Variants in ASPRV1 observed in about 807,000 individuals in gnomAD.
ASPRV1 encodes the protein aspartic peptidase retroviral like 1.
In ASPRV1, 7 loss-of-function variants were observed where a neutral mutation model predicts 11.0. The ratio of observed to expected loss-of-function variants is 0.64; its 90% CI spans 0.36 to 1.20. The LOEUF (loss-of-function observed/expected upper bound fraction) is 1.20. Among genes scored for constraint, ASPRV1 ranks in the 50% most tolerant of loss-of-function variants. The probability of loss-of-function intolerance (pLI) is 0.02; values close to 1 mark genes in which losing one functional copy is unlikely to be tolerated. For synonymous variants in ASPRV1, 136 were observed against 138.4 expected, an observed-to-expected ratio of 0.98 and a Z score of 0.12; for missense variants, 299 against 320.0, an observed-to-expected ratio of 0.93 and a Z score of 0.50.
the ASPRV1 span, among the ~76,000 whole-genome samples, chr2:69,984,441 C>A: frequency 6.6e-6 from 1 of 152,150 alleles, no homozygotes; most frequent in African/African-American, 2.4e-5. Context: ...CCATTATTTA[C>A]AGCATGAATA....
chr2:69,988,779 A>G, the ASPRV1 span: 6 of 456,556 alleles, frequency 1.3e-5, no homozygotes, highest in Non-Finnish European at 2.2e-5. Flanking sequence ...CTTATAACGA[A>G]GAGTAGTGTT....
the ASPRV1 span, among the ~76,000 whole-genome samples, chr2:70,024,717 T>C: frequency 6.6e-6 from 1 of 152,116 alleles, no homozygotes; most frequent in Non-Finnish European, 1.5e-5. Flanking sequence ...GTGACTGGTG[T>C]CATTGGGTGC....
the ASPRV1 span, among the ~76,000 whole-genome samples, chr2:70,038,397 C>T: frequency 6.6e-6 from 1 of 152,046 alleles, no homozygotes; most frequent in African/African-American, 2.4e-5. Flanking sequence ...GGGCAACATA[C>T]CAAGACCCTG....
the ASPRV1 span, among the ~76,000 whole-genome samples, chr2:69,991,225 G>A: frequency 6.6e-6 from 1 of 152,118 alleles, no homozygotes. Context: ...CCCAAGAAGC[G>A]GGGATGGAGA....
the ASPRV1 span, among the ~76,000 whole-genome samples, chr2:69,983,146 C>T: frequency 1.3e-5 from 2 of 152,062 alleles, no homozygotes; most frequent in African/African-American, 2.4e-5. Context: ...CTTGAACTTC[C>T]GAGCTCAGGC....
the ASPRV1 span, chr2:70,031,426 A>T: frequency 1.3e-5 from 2 of 152,196 alleles, no homozygotes; most frequent in Admixed American, 1.3e-4. Context: ...GGCTGGGTGC[A>T]GTGGCTCACA....
chr2:69,987,083 G>A, the ASPRV1 span, among the ~76,000 whole-genome samples: 3 of 152,070 alleles, frequency 2.0e-5, no homozygotes, highest in Non-Finnish European at 4.4e-5. Context: ...TGCTGCTCCC[G>A]GAAAAGGGAT....
the ASPRV1 span, among the ~76,000 whole-genome samples, chr2:70,025,553 C>G: frequency 2.6e-5 from 4 of 152,176 alleles, no homozygotes; most frequent in Non-Finnish European, 5.9e-5. Flanking sequence ...AAGGAGGCCA[C>G]AACAGAGAGT....
At chr2:69,946,941 A>G in the ASPRV1 span, among the ~76,000 whole-genome samples, 2 of 152,212 alleles carry the variant, frequency 1.3e-5, no homozygotes. Flanking sequence ...TGGCTCAGAG[A>G]GAGAGACAGA....
At chr2:70,074,151 A>C in the ASPRV1 span, among the ~76,000 whole-genome samples, 4 of 150,184 alleles carry the variant, frequency 2.7e-5, no homozygotes, top group South Asian at 2.1e-4. Flanking sequence ...AAAAAAAAAA[A>C]AAAAAAAAAC....
At chr2:69,997,609 C>T in the ASPRV1 span, among the ~76,000 whole-genome samples, 4 of 152,200 alleles carry the variant, frequency 2.6e-5, no homozygotes, top group Middle Eastern at 3.2e-3. Flanking sequence ...GCCCCAGCTG[C>T]GTCCTCCTCC....
the ASPRV1 span, among the ~76,000 whole-genome samples, chr2:70,062,963 T>C: frequency 6.6e-6 from 1 of 152,144 alleles, no homozygotes; most frequent in South Asian, 2.1e-4. Flanking sequence ...TCCAGCTCTC[T>C]TAGGTTGGTT....
At chr2:69,998,802 A>T in the ASPRV1 span, among the ~76,000 whole-genome samples, 1 of 152,182 alleles carries the variant, frequency 6.6e-6, no homozygotes, top group African/African-American at 2.4e-5. Flanking sequence ...CCCCAGAGCT[A>T]ACCCGCAGGA....
At chr2:70,042,545 A>G in the ASPRV1 span, among the ~76,000 whole-genome samples, 5 of 152,204 alleles carry the variant, frequency 3.3e-5, no homozygotes, top group Non-Finnish European at 5.9e-5. Flanking sequence ...AAGCCAAAAT[A>G]AAGGTGAGAT....
the ASPRV1 span, among the ~76,000 whole-genome samples, chr2:70,078,587 AAAAAGC>A: frequency 7.6e-4 from 116 of 152,326 alleles, no homozygotes; most frequent in African/African-American, 2.7e-3. Context: ...TTCCTGGCAG[AAAAAGC>A]AACTACAAAG....
In ASPRV1 at chr2:69,961,247, C is replaced by G; in HGVS notation, c.190G>C (p.Gly64Arg). Residue 64 changes from glycine (G) to arginine (R), a missense_variant, in exon 1 of 1, where the codon GGT (glycine) becomes CGT (arginine). Physicochemically the swap from Gly to Arg is moderately radical, Grantham distance 125. Transcript: ENST00000320256. The part of the protein sequence containing the change: ...LKESLRGEAL[G>R]VYNRLSPQDQ... ...TGGGGACTGAGCCTATTGTAGACAC[C>G]CAGGGCCTCTCCTCTGAGGGACTCT... The G allele has an allele frequency of 6.2e-7, 1 of 1,614,084 alleles. No individual in the cohort carries two copies. Among genetic ancestry groups the G allele is most frequent in the East Asian group, 2.2e-5 (1 of 44,886 alleles).
chr2:70,040,150 G>T, the ASPRV1 span, among the ~76,000 whole-genome samples: 2 of 152,166 alleles, frequency 1.3e-5, no homozygotes, highest in Admixed American at 1.3e-4. Context: ...TAAAGTACTT[G>T]ATGTATCAGT....
chr2:70,022,558 C>T, the ASPRV1 span, among the ~76,000 whole-genome samples: 1 of 151,898 alleles, frequency 6.6e-6, no homozygotes, highest in Non-Finnish European at 1.5e-5. Context: ...GGCATGGTGG[C>T]ACATGCCTGT....
chr2:70,068,979 TCGTC>T, the ASPRV1 span: 1 of 150,678 alleles, frequency 6.6e-6, no homozygotes, highest in Non-Finnish European at 1.5e-5. Flanking sequence ...AGCCTTTCCT[TCGTC>T]AGTAAACCAA....
Sources: allele counts gnomAD v4.1 joint callset (sites outside exome capture counted in the v4.1 genomes callset), GRCh38; gene constraint gnomAD v4.1.1; transcripts MANE v1.5; gene names NCBI Gene and HGNC (gene_info 2026-07-23, HGNC 2026-07-21).